The following MCMBP variants were observed in gnomAD, a reference collection of about 807,000 sequenced individuals.
MCMBP encodes the protein mini-chromosome maintenance complex-binding protein.
In MCMBP, 31 loss-of-function variants were observed where a neutral mutation model predicts 81.3. That is an observed-to-expected ratio of 0.38 (90% CI 0.29 to 0.51). The LOEUF (loss-of-function observed/expected upper bound fraction) is 0.51. Ranked by LOEUF, MCMBP falls within the 20% of genes least tolerant of loss-of-function variation. The pLI, the probability that MCMBP is intolerant of heterozygous loss-of-function variation, is 0.87. For missense variants in MCMBP, 645 were observed against 772.1 expected, an observed-to-expected ratio of 0.84 and a Z score of 1.95; for synonymous variants, 267 against 275.9, an observed-to-expected ratio of 0.97 and a Z score of 0.32.
chr10:119,847,684 T>A lies in MCMBP; in HGVS notation c.756A>T (p.Val252=). The A allele has an allele frequency of 6.2e-7, 1 of 1,610,968 alleles. No homozygotes were observed. The highest frequency in any genetic ancestry group is 8.5e-7 in the Non-Finnish European group (1 of 1,178,384). Residue 252 remains valine (V), a synonymous_variant, in exon 8 of 16, where the codon GTA becomes GTT. Coordinates refer to ENST00000369077, the MANE Select transcript of MCMBP (RefSeq NM_001256378.2). ...KVYEDWDCFK[V]NDILELYGIL... Reference sequence around the variant, plus strand: ...TGCCATATAGCTCAAGAATGTCATTTACTTTGAAACAATCCCAATCTTCAT... The same window carrying A: ...TGCCATATAGCTCAAGAATGTCATTAACTTTGAAACAATCCCAATCTTCAT...
At chr10:119,867,003 T>C (rs113008583) in intron 1 of MCMBP, among the ~76,000 whole-genome samples, 5,121 of 150,602 alleles carry the variant, frequency 0.034, 134 homozygotes, top group Non-Finnish European at 0.052. Context: ...TTAAAAGCGG[T>C]TACTTCAGGC....
At chr10:119,843,616 A>G (rs1852517086) in intron 8 of MCMBP, among the ~76,000 whole-genome samples, 190 bp from the exon 9 acceptor site, 1 of 152,210 alleles carries the variant, frequency 6.6e-6, no homozygotes, top group African/African-American at 2.4e-5. Flanking sequence ...TTGTTAAGAC[A>G]TATCATGAAA....
At chr10:119,850,933 G>A (rs576214139) in intron 6 of MCMBP, among the ~76,000 whole-genome samples, 2 of 145,300 alleles carry the variant, frequency 1.4e-5, no homozygotes, top group East Asian at 4.1e-4. Context: ...GGAGCATGGT[G>A]GCGATCAGCG....
At chr10:119,858,248 G>T (rs1853120685) in intron 4 of MCMBP, 1 of 152,154 alleles carries the variant, frequency 6.6e-6, no homozygotes, top group Non-Finnish European at 1.5e-5. Flanking sequence ...ACTACCAAAG[G>T]CTAACAGAGA....
At chr10:119,834,370 A>G (rs2134335829) in intron 14 of MCMBP, among the ~76,000 whole-genome samples, 1 of 152,332 alleles carries the variant, frequency 6.6e-6, no homozygotes. Context: ...AAGGATCCTT[A>G]TCAGAAACTA....
intron 5 of MCMBP, among the ~76,000 whole-genome samples, chr10:119,854,334 G>C (rs1303086207): frequency 6.6e-6 from 1 of 151,528 alleles, no homozygotes; most frequent in Non-Finnish European, 1.5e-5. Context: ...GAGCCACTGT[G>C]CCTGGTCTGT....
At chr10:119,833,186 C>G (rs1852107897) in intron 14 of MCMBP, among the ~76,000 whole-genome samples, 1 of 152,192 alleles carries the variant, frequency 6.6e-6, no homozygotes, top group Non-Finnish European at 1.5e-5. Flanking sequence ...AGAGCAGAGA[C>G]TTCAGTGCCC....
chr10:119,836,109 C>T (rs1227115583), intron 13 of MCMBP, among the ~76,000 whole-genome samples: 2 of 152,238 alleles, frequency 1.3e-5, no homozygotes, highest in Admixed American at 6.5e-5. Context: ...GCTAGGATTA[C>T]AGGCGTGAGC....
chr10:119,852,595 T>C (rs1016424485), intron 6 of MCMBP, among the ~76,000 whole-genome samples: 1 of 152,296 alleles, frequency 6.6e-6, no homozygotes, highest in East Asian at 1.9e-4. Flanking sequence ...AGGGGATCAC[T>C]TGAGCCCAGG....
At chr10:119,842,993 T>C (rs1852488262) in intron 9 of MCMBP, 23 of 417,366 alleles carry the variant, frequency 5.5e-5, no homozygotes, top group South Asian at 4.3e-4. Flanking sequence ...CCTCAGGTGA[T>C]CCACCCACCT....
chr10:119,854,790 C>T (rs992665929), intron 5 of MCMBP, among the ~76,000 whole-genome samples: 4 of 151,290 alleles, frequency 2.6e-5, no homozygotes, highest in Non-Finnish European at 4.4e-5. Flanking sequence ...AACCCCGTCT[C>T]GACTAAAAAC....
At position 119,853,169 on chromosome 10, in the gene MCMBP, C is replaced by G; in HGVS notation, c.455G>C (p.Arg152Pro). Residue 152 changes from arginine to proline, a missense_variant, in exon 6 of 16, where the codon CGA becomes CCA. Physicochemically the swap from Arg to Pro is moderately radical, Grantham distance 103. Coordinates refer to ENST00000369077, the MANE Select transcript of MCMBP (RefSeq NM_001256378.2). ...AGTGTAGGATGTTGAGGGACTGACT[C>G]GAGCTTGGTTTGCATTAACATAGGC... Reference protein sequence around the residue: ...KEAYVNANQARVSPSTSYTPS... With the variant: ...KEAYVNANQAPVSPSTSYTPS... The G allele has an allele frequency of 6.2e-7, 1 of 1,613,642 alleles. No homozygotes were observed. Among genetic ancestry groups the G allele is most frequent in the Non-Finnish European group, 8.5e-7 (1 of 1,179,790 alleles).
At chr10:119,865,574 T>C (rs1260383968) in intron 1 of MCMBP, among the ~76,000 whole-genome samples, 1 of 152,156 alleles carries the variant, frequency 6.6e-6, no homozygotes, top group African/African-American at 2.4e-5. Flanking sequence ...AAAAGTTAAA[T>C]ATAAAATTAT....
intron 8 of MCMBP, 137 bp downstream of exon 8, chr10:119,847,476 A>G (rs1852656889): frequency 6.1e-6 from 3 of 489,566 alleles, no homozygotes; most frequent in Admixed American, 3.8e-5. Context: ...GACAAAACAC[A>G]TGGGGTGCAA....
intron 7 of MCMBP, among the ~76,000 whole-genome samples, chr10:119,848,759 C>A (rs1852708422): frequency 6.6e-6 from 1 of 152,150 alleles, no homozygotes; most frequent in East Asian, 1.9e-4. Context: ...GATGGAAGAA[C>A]AAACTATTAA....
chr10:119,858,825 TTC>T lies in MCMBP; in HGVS notation c.327+57_327+58del, dbSNP rs376961478. ...ATAAATTTAAGATTAGCTAAACAAA[TTC>T]TCTGTTTAGGAAAAAATTCTTACTA... is the stretch of plus-strand genomic sequence containing the variant. On this transcript the variant is annotated intron_variant, in intron 4 of 15. Transcript: ENST00000369077. 5.1e-5 allele frequency: 62 copies of T among 1,225,434 alleles called. 1 individual carries two copies. In the Admixed American group the frequency reaches 5.8e-4, roughly 12 times the overall value. 75.9% of individuals were successfully genotyped at this position (1,225,434 alleles called of 1,614,324 possible). A position where few individuals can be genotyped will look rare whatever the true frequency, so the allele number is the denominator to read the frequency against.
chr10:119,836,163 C>T (rs1483928745), intron 13 of MCMBP, among the ~76,000 whole-genome samples: 1 of 152,176 alleles, frequency 6.6e-6, no homozygotes, highest in Non-Finnish European at 1.5e-5. Flanking sequence ...AATTTACATG[C>T]TTTATAACTA....
chr10:119,867,853 A>C (rs1212250469), intron 1 of MCMBP, among the ~76,000 whole-genome samples: 1 of 152,200 alleles, frequency 6.6e-6, no homozygotes, highest in Non-Finnish European at 1.5e-5. Flanking sequence ...TACCAAGGAC[A>C]GAGTGGTAGA....
At chr10:119,859,756 T>C (rs373896138) in intron 2 of MCMBP, 43 bp downstream of exon 2, 489 of 1,347,008 alleles carry the variant, frequency 3.6e-4, no homozygotes, top group Middle Eastern at 1.1e-3. Context: ...AGAAACTGTA[T>C]AGTCTGTCCA....
Sources: gnomAD v4.1 joint callset for allele counts (sites outside exome capture counted in the v4.1 genomes callset) on GRCh38, gnomAD v4.1.1 for gene constraint, MANE v1.5 for transcripts, NCBI Gene and HGNC (gene_info 2026-07-23, HGNC 2026-07-21) for gene names.